Variants in KIF27 observed in about 807,000 individuals in gnomAD.
The protein encoded by KIF27 is kinesin family member 27.
KIF27 carries 84 observed loss-of-function variants against 141.8 expected under a neutral mutation model. The ratio of observed to expected loss-of-function variants is 0.59; its 90% confidence interval spans 0.50 to 0.71. The LOEUF is 0.71. Ranked by LOEUF, KIF27 falls within the 30% of genes least tolerant of loss-of-function variation. KIF27 has a pLI of 0.00. For synonymous variants in KIF27, 471 were observed against 569.5 expected (o/e 0.83, Z 2.46); for missense variants, 1,306 against 1,628.4 (o/e 0.80, Z 3.41).
At chr9:83,886,199 G>T (rs1420592851) in intron 9 of KIF27, among the ~76,000 whole-genome samples, 1 of 152,054 alleles carries the variant, frequency 6.6e-6, no homozygotes, top group African/African-American at 2.4e-5. Context: ...TACTGCCTGT[G>T]GAAGTTGAGG....
chr9:83,908,261 C>CCA (rs1954769745), intron 3 of KIF27, among the ~76,000 whole-genome samples, 191 bp downstream of exon 3: 1 of 74,286 alleles, frequency 1.3e-5, no homozygotes, highest in Non-Finnish European at 2.8e-5. Flanking sequence ...AACTCCATCT[C>CCA]AAAAAAAAAA....
intron 11 of KIF27, among the ~76,000 whole-genome samples, chr9:83,876,577 T>G (rs1402102106): frequency 1.3e-5 from 2 of 152,164 alleles, no homozygotes; most frequent in African/African-American, 4.8e-5. Flanking sequence ...CAAATTCACA[T>G]GGAAAACTGT....
chr9:83,914,162 T>C (rs1955465169), intron 2 of KIF27, among the ~76,000 whole-genome samples: 1 of 151,336 alleles, frequency 6.6e-6, no homozygotes, highest in Admixed American at 6.6e-5. Flanking sequence ...TAACTCCTAT[T>C]GGTATAAAGC....
chr9:83,870,762 G>C (rs1430430213), intron 11 of KIF27, 130 bp from the exon 12 acceptor site: 1 of 1,402,624 alleles, frequency 7.1e-7, no homozygotes, highest in Non-Finnish European at 9.3e-7. Flanking sequence ...CCAGGCTGGA[G>C]TGCAGTGGCA....
intron 5 of KIF27, among the ~76,000 whole-genome samples, chr9:83,893,015 A>T (rs1952827684): frequency 6.6e-6 from 1 of 152,206 alleles, no homozygotes; most frequent in Non-Finnish European, 1.5e-5. Context: ...CCAGTAGATC[A>T]CTTGAGCCCA....
At chr9:83,847,813 C>G (rs1006152185) in intron 16 of KIF27, 1 of 151,932 alleles carries the variant, frequency 6.6e-6, no homozygotes, top group Non-Finnish European at 1.5e-5. Flanking sequence ...TTCCTGTCCT[C>G]GAACATCAGA....
intron 17 of KIF27, among the ~76,000 whole-genome samples, chr9:83,840,021 G>A (rs1047249782): frequency 5.3e-5 from 8 of 152,124 alleles, no homozygotes; most frequent in African/African-American, 1.9e-4. Context: ...TGATTATTAA[G>A]CATGTAAAAC....
intron 17 of KIF27, 113 bp downstream of exon 17, chr9:83,842,124 G>A (rs995882815): frequency 3.3e-6 from 4 of 1,230,206 alleles, no homozygotes; most frequent in Non-Finnish European, 4.3e-6. Context: ...ACAAATAGAA[G>A]TATCTAATCC....
intron 11 of KIF27, among the ~76,000 whole-genome samples, chr9:83,876,039 G>A (rs570183128): frequency 6.6e-6 from 1 of 152,194 alleles, no homozygotes; most frequent in East Asian, 1.9e-4. Flanking sequence ...AAGGATAAAA[G>A]ATGACACGTA....
chr9:83,847,126 G>A (rs891576465), intron 16 of KIF27, among the ~76,000 whole-genome samples: 5 of 152,088 alleles, frequency 3.3e-5, no homozygotes, highest in African/African-American at 4.8e-5. Context: ...CACTCTACTA[G>A]GAAGAAAACC....
chr9:83,841,469 A>T (rs551575656), intron 17 of KIF27, among the ~76,000 whole-genome samples: 1 of 152,280 alleles, frequency 6.6e-6, no homozygotes, highest in African/African-American at 2.4e-5. Flanking sequence ...ATCTTTAAGT[A>T]GTTTTCTTTC....
intron 11 of KIF27, among the ~76,000 whole-genome samples, chr9:83,873,194 G>C (rs974739244): frequency 6.6e-6 from 1 of 152,198 alleles, no homozygotes; most frequent in African/African-American, 2.4e-5. Context: ...ATACCAGCCA[G>C]GGGTTTCATC....
chr9:83,891,545 G>A lies in KIF27; in HGVS notation c.1603-44C>T, dbSNP rs761421640. 8.6e-6 allele frequency: 13 copies of A among 1,507,742 alleles called. No homozygotes were observed. In the South Asian group the frequency reaches 1.1e-4, roughly 13 times the overall value. The allele number at this position is 1,507,742 out of a possible 1,614,324, so 93.4% of individuals were successfully genotyped here. On this transcript the variant is annotated intron_variant, in intron 5 of 17. Coordinates refer to ENST00000297814, the MANE Select transcript of KIF27 (RefSeq NM_017576.4). The stretch of plus-strand genomic sequence containing the variant: ...AAAATTTTTAATATAGAGCACTTCA[G>A]TACATTTAGATTATGATTAAAAATG...
At position 83,889,237 on chromosome 9, in the gene KIF27, G is replaced by A. The variant is rs1207821907; in HGVS notation, c.1826C>T (p.Pro609Leu). ...AAATATTCGATCCAGAGAGTACATA[G>A]GCGGACTTGTGTGGACCTTGCAAGT... ...QDSRKVHTSP[P>L]MYSLDRIFAG... Residue 609 changes from proline to leucine, a missense_variant, in exon 7 of 18, where the codon CCT becomes CTT. By Grantham distance (98) the Pro-to-Leu change is moderately conservative. Around this residue, in one of 4 missense-constraint regions of KIF27, gnomAD observed 596 missense variants for 751.6 expected, o/e 0.79. Coordinates refer to ENST00000297814, the MANE Select transcript of KIF27 (RefSeq NM_017576.4). The A allele has an allele frequency of 1.2e-6, 2 of 1,611,284 alleles. No individual in the cohort carries two copies. The highest frequency in any genetic ancestry group is 1.1e-5 in the South Asian group (1 of 90,498).
Position 83,895,894 on chromosome 9 carries a change from C to CA in KIF27, c.1602+3766dup, listed in dbSNP as rs1243016037. 5.3e-5 allele frequency among the ~76,000 whole-genome samples: 8 copies of CA among 150,956 alleles called. No homozygotes were observed. In the South Asian group the frequency reaches 1.0e-3, roughly 20 times the overall value. ...TGAAACCCTGTCTCTACTAAAAATACAAAAAAAATTAGCCAGGCATGGTTG... is the reference window on the plus strand; with the variant it reads ...TGAAACCCTGTCTCTACTAAAAATACAAAAAAAAATTAGCCAGGCATGGTTG... On this transcript the variant is annotated intron_variant, in intron 5 of 17. Transcript: ENST00000297814.
In KIF27 at chr9:83,915,282, T is replaced by A; in HGVS notation, c.298+12A>T. On this transcript the variant is annotated intron_variant, in intron 2 of 17. Transcript: ENST00000297814. ...CGTCACAAATAAAAGTCAAAGAGTA[T>A]AAGAATCTTACCAATATGGCCCCCT... The A allele has an allele frequency of 6.3e-7, 1 of 1,580,446 alleles. No individual in the cohort carries two copies. Among genetic ancestry groups the A allele is most frequent in the Non-Finnish European group, 8.6e-7 (1 of 1,165,404 alleles).
Position 83,915,408 on chromosome 9 carries a change from T to A in KIF27, c.184A>T (p.Asn62Tyr). The A allele has an allele frequency of 6.2e-7, 1 of 1,613,892 alleles. No homozygotes were observed. The highest frequency in any genetic ancestry group is 8.5e-7 in the Non-Finnish European group (1 of 1,179,828). The change falls in exon 2 of 18, where the codon AAC (asparagine) becomes TAC (tyrosine). Residue 62 changes from asparagine to tyrosine, a missense_variant. Coordinates refer to ENST00000297814, the MANE Select transcript of KIF27 (RefSeq NM_017576.4). ...AACACTAGGGGCTTTATACATGTGT[T>A]ATAAACTTCATCTTGAGTGGAATTT... ...GKNSTQDEVY[N>Y]TCIKPLVLSL...
At position 83,908,440 on chromosome 9, in the gene KIF27, G is replaced by A; in HGVS notation, c.499+12C>T. 2 of 1,563,594 alleles carry A rather than the reference G, an allele frequency of 1.3e-6. No individual in the cohort carries two copies. The highest frequency in any genetic ancestry group is 1.8e-6 in the Non-Finnish European group (2 of 1,140,400). ...TGCTAATGAAGGCAACTGATTAAGT[G>A]TGCTACTTTACCTGTGTTTCCTTTT... On this transcript the variant is annotated intron_variant, in intron 3 of 17. Transcript: ENST00000297814.
At chr9:83,843,291 CTTTAAG>C (rs1357794496) in intron 16 of KIF27, among the ~76,000 whole-genome samples, 1 of 146,906 alleles carries the variant, frequency 6.8e-6, no homozygotes, top group Non-Finnish European at 1.5e-5. Context: ...AGTTTCTAAA[CTTTAAG>C]TTTACAGGTA....
Sources: allele counts gnomAD v4.1 joint callset (sites outside exome capture counted in the v4.1 genomes callset), GRCh38; gene constraint gnomAD v4.1.1; regional missense constraint gnomAD v4.1.1; transcripts MANE v1.5; gene names NCBI Gene and HGNC (gene_info 2026-07-23, HGNC 2026-07-21).